Variants in CTNNA1 observed in about 807,000 individuals in gnomAD.
The protein encoded by CTNNA1 is catenin alpha 1.
Under a neutral mutation model 98.4 loss-of-function variants are expected in CTNNA1, and 37 were observed. The ratio of observed to expected loss-of-function variants is 0.38; its 90% CI spans 0.29 to 0.49. The LOEUF (loss-of-function observed/expected upper bound fraction) is 0.49. Ranked by LOEUF, CTNNA1 falls within the 20% of genes least tolerant of loss-of-function variation. The pLI is 0.95. For synonymous variants in CTNNA1, 404 were observed against 413.2 expected (o/e 0.98, Z 0.27); for missense variants, 761 against 1,147.2 (o/e 0.66, Z 4.86).
intron 9 of CTNNA1, among the ~76,000 whole-genome samples, chr5:138,889,736 C>T (rs922614104): frequency 3.2e-4 from 47 of 147,446 alleles, no homozygotes; most frequent in Non-Finnish European, 1.0e-4. Flanking sequence ...GTTAACTATG[C>T]ATTAAATGAC....
At chr5:138,768,575 T>G (rs1753190854) in intron 1 of CTNNA1, among the ~76,000 whole-genome samples, 1 of 147,032 alleles carries the variant, frequency 6.8e-6, no homozygotes, top group African/African-American at 2.5e-5. Flanking sequence ...TTTTTTTTTT[T>G]TTTTTTTGAG....
At chr5:138,904,986 C>T (rs1454654472) in intron 10 of CTNNA1, among the ~76,000 whole-genome samples, 2 of 148,852 alleles carry the variant, frequency 1.3e-5, no homozygotes, top group Non-Finnish European at 3.0e-5. Flanking sequence ...GCCAGCTACT[C>T]GGGAGGCTGA....
chr5:138,759,821 T>C (rs927171776), intron 1 of CTNNA1, among the ~76,000 whole-genome samples: 1 of 152,086 alleles, frequency 6.6e-6, no homozygotes, highest in Non-Finnish European at 1.5e-5. Flanking sequence ...CCCAATTTAC[T>C]GTCCCAGTCT....
intron 1 of CTNNA1, among the ~76,000 whole-genome samples, chr5:138,771,257 TGTA>T (rs767012436): frequency 1.3e-5 from 2 of 152,118 alleles, no homozygotes; most frequent in African/African-American, 4.8e-5. Context: ...TGCCTTTTGT[TGTA>T]GTGTCTCCTG....
chr5:138,847,727 C>T (rs1762854525), intron 7 of CTNNA1, among the ~76,000 whole-genome samples: 1 of 152,042 alleles, frequency 6.6e-6, no homozygotes, highest in Admixed American at 6.6e-5. Flanking sequence ...AATTGATGTA[C>T]TAGGAGATAG....
chr5:138,896,288 C>CAAGTT (rs1756793338), intron 9 of CTNNA1, among the ~76,000 whole-genome samples: 1 of 152,158 alleles, frequency 6.6e-6, no homozygotes, highest in Non-Finnish European at 1.5e-5. Context: ...TCTCAAACTC[C>CAAGTT]TGGCCTCAAG....
At chr5:138,781,655 T>C (rs1331437957) in intron 1 of CTNNA1, among the ~76,000 whole-genome samples, 1 of 152,124 alleles carries the variant, frequency 6.6e-6, no homozygotes, top group Non-Finnish European at 1.5e-5. Flanking sequence ...AGGTAGGAAG[T>C]CTTGGTGCTA....
intron 7 of CTNNA1, among the ~76,000 whole-genome samples, chr5:138,843,083 A>G (rs555959774): frequency 2.0e-5 from 3 of 152,240 alleles, no homozygotes; most frequent in Non-Finnish European, 2.9e-5. Context: ...TTAACCCTCA[A>G]GATTTGAACA....
At chr5:138,864,938 C>T (rs984094109) in intron 7 of CTNNA1, among the ~76,000 whole-genome samples, 8 of 152,014 alleles carry the variant, frequency 5.3e-5, no homozygotes, top group Non-Finnish European at 1.0e-4. Flanking sequence ...CTCAGCCTCC[C>T]GAGAAGCTGG....
At chr5:138,770,867 G>C (rs1753469970) in intron 1 of CTNNA1, among the ~76,000 whole-genome samples, 1 of 151,880 alleles carries the variant, frequency 6.6e-6, no homozygotes, top group Non-Finnish European at 1.5e-5. Context: ...CAGGAGAATG[G>C]CGTGAACCCG....
chr5:138,762,487 G>GT (rs5871678), intron 1 of CTNNA1, among the ~76,000 whole-genome samples: 103,044 of 151,148 alleles, frequency 0.68, 35,299 homozygotes, highest in East Asian at 0.93. Flanking sequence ...ATTTTCTTTA[G>GT]TTTTTTTTTA....
At chr5:138,872,950 T>C in intron 7 of CTNNA1, 1 of 1,233,908 alleles carries the variant, frequency 8.1e-7, no homozygotes, top group Non-Finnish European at 1.1e-6. Context: ...GATATGTATT[T>C]AGCCTCTACT....
chr5:138,886,408 A>G, intron 8 of CTNNA1, 116 bp downstream of exon 8: 1 of 1,101,998 alleles, frequency 9.1e-7, no homozygotes. Context: ...ATGGATTTTC[A>G]CAAGAAAGTG....
At chr5:138,848,583 A>G (rs1010387603) in intron 7 of CTNNA1, among the ~76,000 whole-genome samples, 2 of 152,192 alleles carry the variant, frequency 1.3e-5, no homozygotes, top group African/African-American at 4.8e-5. Context: ...ATAATGTCTA[A>G]AGACTGTGTC....
intron 9 of CTNNA1, among the ~76,000 whole-genome samples, chr5:138,893,957 A>G (rs1756106258): frequency 6.6e-6 from 1 of 151,630 alleles, no homozygotes; most frequent in Non-Finnish European, 1.5e-5. Context: ...TTGTTCTGTC[A>G]CTTAGGCTGG....
Position 138,904,352 on chromosome 5 carries a change from G to C in CTNNA1, c.1300G>C (p.Ala434Pro), listed in dbSNP as rs1758706957. Reference sequence around the variant, plus strand: ...AGATTATTTTTTATGTTTATAGGTTGCCAACTTGGCCTGTTCCATCTCAAA... The same window carrying C: ...AGATTATTTTTTATGTTTATAGGTTCCCAACTTGGCCTGTTCCATCTCAAA... ...REHANKLIEV[A>P]NLACSISNNE... Residue 434 changes from alanine (A) to proline (P), a missense_variant, in exon 10 of 18, where the codon GCC becomes CCC. Physicochemically the swap from Ala to Pro is conservative, Grantham distance 27. This residue lies in a region of CTNNA1 where 287 missense variants were observed against 436.0 expected (regional missense o/e 0.66). Transcript: ENST00000302763. The C allele has an allele frequency of 1.2e-6, 2 of 1,611,476 alleles. No homozygotes were observed. Among genetic ancestry groups the C allele is most frequent in the Non-Finnish European group, 8.5e-7 (1 of 1,179,080 alleles).
intron 1 of CTNNA1, among the ~76,000 whole-genome samples, chr5:138,778,116 C>T (rs1754606763): frequency 6.6e-6 from 1 of 150,386 alleles, no homozygotes. Context: ...GCCTCAGCCT[C>T]CCGAGTAGCT....
At chr5:138,796,498 C>T (rs1272883424) in intron 3 of CTNNA1, among the ~76,000 whole-genome samples, 3 of 150,774 alleles carry the variant, frequency 2.0e-5, no homozygotes, top group South Asian at 2.1e-4. Context: ...GAGCCTAGAT[C>T]GCGCCACTGC....
At chr5:138,771,416 C>T (rs930793246) in intron 1 of CTNNA1, among the ~76,000 whole-genome samples, 1 of 152,070 alleles carries the variant, frequency 6.6e-6, no homozygotes, top group Non-Finnish European at 1.5e-5. Flanking sequence ...AGAATCTCCC[C>T]CATCACTCAG....
Sources: allele counts gnomAD v4.1 joint callset (sites outside exome capture counted in the v4.1 genomes callset), GRCh38; gene constraint gnomAD v4.1.1; regional missense constraint gnomAD v4.1.1; transcripts MANE v1.5; gene names NCBI Gene and HGNC (gene_info 2026-07-23, HGNC 2026-07-21).